DOCK2: variants seen among roughly 807,000 people sequenced by gnomAD.
DOCK2 encodes the protein dedicator of cytokinesis protein 2.
A neutral mutation model predicts 248.9 loss-of-function variants in DOCK2; 87 were observed. That is an observed-to-expected ratio of 0.35 (90% CI 0.29 to 0.42). The LOEUF (loss-of-function observed/expected upper bound fraction) is 0.42, where lower values mean the gene tolerates loss of function less well. DOCK2 is among the 10% of genes least tolerant of loss of function. DOCK2 has a pLI of 1.00. For missense variants in DOCK2, 1,747 were observed against 2,300.2 expected (o/e 0.76, Z 4.92); for synonymous variants, 805 against 821.6 (o/e 0.98, Z 0.35).
intron 2 of DOCK2, among the ~76,000 whole-genome samples, chr5:169,661,646 CCT>C (rs1191015939): frequency 6.6e-6 from 1 of 152,122 alleles, no homozygotes; most frequent in Non-Finnish European, 1.5e-5. Context: ...CCTGGTAACC[CCT>C]GTTTCATTCT....
chr5:169,731,185 T>C (rs1201934514), intron 22 of DOCK2, among the ~76,000 whole-genome samples: 2 of 152,168 alleles, frequency 1.3e-5, no homozygotes, highest in African/African-American at 2.4e-5. Flanking sequence ...TTCTCAATGC[T>C]GTGTTAATGT....
chr5:169,835,055 G>T (rs1234319316), intron 26 of DOCK2, among the ~76,000 whole-genome samples: 3 of 152,044 alleles, frequency 2.0e-5, no homozygotes, highest in African/African-American at 7.2e-5. Context: ...TTTGGTGGGG[G>T]GGTGGCATGA....
At chr5:169,865,807 A>G (rs1251335415) in intron 27 of DOCK2, among the ~76,000 whole-genome samples, 3 of 152,216 alleles carry the variant, frequency 2.0e-5, no homozygotes, top group South Asian at 2.1e-4. Flanking sequence ...ATGATGTGGC[A>G]TGACTGGCCA....
chr5:170,019,238 T>C, intron 33 of DOCK2, 130 bp downstream of exon 33: 4 of 1,409,780 alleles, frequency 2.8e-6, no homozygotes, highest in Non-Finnish European at 9.7e-7. Context: ...CATTTATTCA[T>C]GGGTCCGGAA....
intron 27 of DOCK2, chr5:169,882,451 T>C: frequency 1.0e-6 from 1 of 983,460 alleles, no homozygotes; most frequent in Non-Finnish European, 1.5e-6. Flanking sequence ...CTTCAAACAT[T>C]TTGGAGACAT....
chr5:169,760,366 T>C (rs763199686), intron 24 of DOCK2, among the ~76,000 whole-genome samples: 1 of 152,192 alleles, frequency 6.6e-6, no homozygotes, highest in Non-Finnish European at 1.5e-5. Context: ...GTTGCAAAGA[T>C]TACATACAGA....
At chr5:169,691,376 G>A (rs1303847668) in intron 9 of DOCK2, among the ~76,000 whole-genome samples, 2 of 152,120 alleles carry the variant, frequency 1.3e-5, no homozygotes, top group Non-Finnish European at 2.9e-5. Flanking sequence ...ATATCAGGGG[G>A]CAAGGAAGGT....
chr5:169,661,106 G>A (rs1758424182), intron 2 of DOCK2, among the ~76,000 whole-genome samples: 1 of 152,012 alleles, frequency 6.6e-6, no homozygotes, highest in Non-Finnish European at 1.5e-5. Context: ...TTGGACACTG[G>A]ACAAACTCTC....
At chr5:169,818,328 T>G (rs1236883409) in intron 26 of DOCK2, among the ~76,000 whole-genome samples, 1 of 152,220 alleles carries the variant, frequency 6.6e-6, no homozygotes, top group Non-Finnish European at 1.5e-5. Flanking sequence ...CACTGCCATA[T>G]CCTAGCACAG....
At chr5:169,830,188 G>T (rs1769129882) in intron 26 of DOCK2, among the ~76,000 whole-genome samples, 1 of 152,208 alleles carries the variant, frequency 6.6e-6, no homozygotes, top group African/African-American at 2.4e-5. Context: ...TAAAGCTTTA[G>T]ATTTCCTCAT....
At chr5:169,949,258 A>G (rs1776564876) in intron 27 of DOCK2, among the ~76,000 whole-genome samples, 1 of 152,214 alleles carries the variant, frequency 6.6e-6, no homozygotes, top group Non-Finnish European at 1.5e-5. Flanking sequence ...TCCATTGAAG[A>G]TACAATCCTT....
chr5:169,926,305 C>T (rs1366358957), intron 27 of DOCK2, among the ~76,000 whole-genome samples: 2 of 152,176 alleles, frequency 1.3e-5, no homozygotes, highest in African/African-American at 2.4e-5. Context: ...GAAATATTGT[C>T]GCTTTGCATA....
At chr5:169,840,204 C>T (rs1260841153) in intron 26 of DOCK2, among the ~76,000 whole-genome samples, 1 of 152,124 alleles carries the variant, frequency 6.6e-6, no homozygotes, top group Non-Finnish European at 1.5e-5. Context: ...CTTCACGTAG[C>T]CAGAGCTGGA....
At chr5:169,835,808 C>T (rs959570113) in intron 26 of DOCK2, among the ~76,000 whole-genome samples, 3 of 151,798 alleles carry the variant, frequency 2.0e-5, no homozygotes, top group Admixed American at 2.0e-4. Context: ...GTTGCCCAGG[C>T]TGGAGTGCAG....
intron 27 of DOCK2, among the ~76,000 whole-genome samples, chr5:169,842,865 A>G (rs1031660760): frequency 1.5e-4 from 23 of 152,164 alleles, no homozygotes; most frequent in African/African-American, 4.6e-4. Context: ...TGCCAGTCCT[A>G]TGAGCCTTTT....
intron 27 of DOCK2, among the ~76,000 whole-genome samples, chr5:169,895,938 G>A (rs1773573440): frequency 6.6e-6 from 1 of 152,148 alleles, no homozygotes; most frequent in Non-Finnish European, 1.5e-5. Flanking sequence ...GCCTGGAGAT[G>A]TCCCCGATTA....
intron 26 of DOCK2, among the ~76,000 whole-genome samples, chr5:169,825,251 C>T (rs1256229291): frequency 6.6e-6 from 1 of 152,190 alleles, no homozygotes; most frequent in East Asian, 1.9e-4. Context: ...ACCATTTGAC[C>T]CAGCCATCCC....
chr5:169,745,135 G>T (rs896162762), intron 22 of DOCK2, among the ~76,000 whole-genome samples: 1 of 152,206 alleles, frequency 6.6e-6, no homozygotes, highest in Non-Finnish European at 1.5e-5. Flanking sequence ...GTCCATTAGG[G>T]ATTGCTGGTG....
intron 27 of DOCK2, among the ~76,000 whole-genome samples, chr5:169,911,965 G>T (rs749205579): frequency 2.0e-4 from 31 of 152,248 alleles, no homozygotes; most frequent in Non-Finnish European, 1.3e-4. Context: ...TTCCTAGGTT[G>T]AAATTGTTCT....
Sources: allele counts gnomAD v4.1 joint callset (sites outside exome capture counted in the v4.1 genomes callset), GRCh38; gene constraint gnomAD v4.1.1; transcripts MANE v1.5; gene names NCBI Gene and HGNC (gene_info 2026-07-23, HGNC 2026-07-21).